TXNRD1: variants seen among roughly 807,000 people sequenced by gnomAD.
TXNRD1 encodes the protein thioredoxin reductase 1.
A neutral mutation model predicts 80.3 loss-of-function variants in TXNRD1; 57 were observed. The ratio of observed to expected loss-of-function variants is 0.71; its 90% confidence interval spans 0.57 to 0.89. TXNRD1 has a LOEUF of 0.89. Among genes scored for constraint, TXNRD1 ranks in the 40% least tolerant of loss-of-function variants. TXNRD1 has a pLI of 0.00. For missense variants in TXNRD1, 730 were observed against 803.0 expected (o/e 0.91, Z 1.10); for synonymous variants, 291 against 285.2 (o/e 1.02, Z -0.20).
chr12:104,274,984 A>G (rs1012667200), intron 3 of TXNRD1, among the ~76,000 whole-genome samples: 6 of 152,216 alleles, frequency 3.9e-5, no homozygotes, highest in African/African-American at 9.6e-5. Context: ...AATGGATTGC[A>G]GAAGGGAAAT....
intron 3 of TXNRD1, among the ~76,000 whole-genome samples, chr12:104,261,124 C>T (rs576745931): frequency 6.0e-5 from 9 of 150,926 alleles, no homozygotes; most frequent in African/African-American, 2.2e-4. Flanking sequence ...GACTTTTGTC[C>T]CGGTGGTTCC....
chr12:104,345,541 C>T (rs1047836677), intron 16 of TXNRD1, among the ~76,000 whole-genome samples: 9 of 152,182 alleles, frequency 5.9e-5, no homozygotes, highest in African/African-American at 2.2e-4. Context: ...GCGCCTGGGG[C>T]ATTAGCAATG....
chr12:104,321,682 C>T (rs1304851133), intron 10 of TXNRD1, among the ~76,000 whole-genome samples: 1 of 152,216 alleles, frequency 6.6e-6, no homozygotes, highest in African/African-American at 2.4e-5. Flanking sequence ...CCTGCACTCC[C>T]TGGCTCCCCA....
chr12:104,289,036 T>G lies in TXNRD1; in HGVS notation c.410T>G (p.Leu137Trp). Residue 137 changes from leucine (L) to tryptophan (W), a missense_variant, in exon 4 of 17, where the codon TTG becomes TGG. Physicochemically the swap from Leu to Trp is moderately conservative, Grantham distance 61. Coordinates refer to ENST00000525566, the MANE Select transcript of TXNRD1 (RefSeq NM_001093771.3). ...QRKIGGHGPT[L>W]KAYQEGRLQK... ...AAGATAGGCGGCCATGGTCCAACCT[T>G]GAAGGTAGGAGAGAGTAACGTATCT... 6.2e-7 allele frequency: 1 copy of G among 1,613,800 alleles called. No homozygotes were observed. Among genetic ancestry groups the G allele is most frequent in the Non-Finnish European group, 8.5e-7 (1 of 1,179,750 alleles).
chr12:104,282,543 C>T (rs1247793082), intron 3 of TXNRD1, among the ~76,000 whole-genome samples: 8 of 152,180 alleles, frequency 5.3e-5, no homozygotes, highest in Non-Finnish European at 8.8e-5. Flanking sequence ...TCAAGCATCA[C>T]ATTCTGAGAT....
intron 1 of TXNRD1, among the ~76,000 whole-genome samples, chr12:104,238,756 A>G (rs1168548440): frequency 6.6e-6 from 1 of 152,158 alleles, no homozygotes; most frequent in Non-Finnish European, 1.5e-5. Flanking sequence ...GTTGTGGTGT[A>G]TAAAATTTTT....
intron 13 of TXNRD1, 85 bp downstream of exon 13, chr12:104,327,756 C>G: frequency 6.9e-7 from 1 of 1,440,378 alleles, no homozygotes; most frequent in Non-Finnish European, 9.4e-7. Context: ...GGAAGTTTCG[C>G]AGATCTTGAA....
chr12:104,309,744 G>A, intron 4 of TXNRD1: 1 of 1,506,736 alleles, frequency 6.6e-7, no homozygotes, highest in Middle Eastern at 1.8e-4. Context: ...TTACCAAATT[G>A]TTTTTCCCCC....
At chr12:104,273,125 C>T (rs1372457618) in intron 3 of TXNRD1, among the ~76,000 whole-genome samples, 1 of 152,210 alleles carries the variant, frequency 6.6e-6, no homozygotes, top group African/African-American at 2.4e-5. Flanking sequence ...AATAAGCAGA[C>T]CTACAGCACC....
At chr12:104,311,016 T>C (rs1400666211) in intron 4 of TXNRD1, among the ~76,000 whole-genome samples, 1 of 152,220 alleles carries the variant, frequency 6.6e-6, no homozygotes, top group Admixed American at 6.5e-5. Flanking sequence ...TTAAACCTGA[T>C]TTAGACCTAA....
At position 104,258,042 on chromosome 12, in the gene TXNRD1, G is replaced by A. The variant is rs1012368258; in HGVS notation, c.267G>A (p.Leu89=). Residue 89 remains leucine, a synonymous_variant, in exon 3 of 17, where the codon CTG becomes CTA. Coordinates refer to ENST00000525566, the MANE Select transcript of TXNRD1 (RefSeq NM_001093771.3). ...CTEVKKLFKS[L]CVPYFVLELD... is the part of the protein sequence containing the mutation. ...AGGTAAAGAAGTTATTTAAATCTCTGTGTGTTCCTTATTTTGTGCTTGAAC... is the reference window on the plus strand; with the variant it reads ...AGGTAAAGAAGTTATTTAAATCTCTATGTGTTCCTTATTTTGTGCTTGAAC... 4.9e-5 allele frequency: 76 copies of A among 1,552,798 alleles called. No homozygotes were observed. The highest frequency in any genetic ancestry group is 6.5e-5 in the Non-Finnish European group (75 of 1,147,614).
At chr12:104,333,685 G>T (rs575942308) in intron 14 of TXNRD1, among the ~76,000 whole-genome samples, 2 of 152,112 alleles carry the variant, frequency 1.3e-5, no homozygotes, top group African/African-American at 4.8e-5. Flanking sequence ...AATTAGTAAG[G>T]ATGCTGTCGT....
intron 3 of TXNRD1, chr12:104,287,530 A>G: frequency 6.3e-7 from 1 of 1,580,296 alleles, no homozygotes; most frequent in Non-Finnish European, 8.6e-7. Flanking sequence ...AAGTATAACT[A>G]TGTAAGAATG....
intron 1 of TXNRD1, among the ~76,000 whole-genome samples, chr12:104,218,918 T>C (rs1593674376): frequency 6.6e-6 from 1 of 152,314 alleles, no homozygotes; most frequent in East Asian, 1.9e-4. Context: ...TAGATATTTT[T>C]CTATACACAT....
At chr12:104,286,964 C>G (rs984911971) in intron 3 of TXNRD1, 1 of 1,227,698 alleles carries the variant, frequency 8.1e-7, no homozygotes, top group Non-Finnish European at 1.0e-6. Context: ...TTAGCCCGCC[C>G]GCTCGGCGCA....
intron 4 of TXNRD1, among the ~76,000 whole-genome samples, chr12:104,308,243 C>T (rs1409107549): frequency 6.6e-6 from 1 of 152,188 alleles, no homozygotes; most frequent in Non-Finnish European, 1.5e-5. Context: ...GATCCACCCG[C>T]CTTGGCCTCT....
At chr12:104,248,198 A>C (rs2033033113) in intron 1 of TXNRD1, among the ~76,000 whole-genome samples, 2 of 152,266 alleles carry the variant, frequency 1.3e-5, no homozygotes, top group South Asian at 2.1e-4. Flanking sequence ...CATTAGAACT[A>C]CCAGTGAACA....
intron 3 of TXNRD1, among the ~76,000 whole-genome samples, chr12:104,286,428 C>T (rs2033972255): frequency 1.3e-5 from 2 of 152,102 alleles, no homozygotes; most frequent in Admixed American, 6.6e-5. Context: ...TAGGTGTGTT[C>T]CTAAGAATTT....
At chr12:104,265,981 T>G (rs1002193678) in intron 3 of TXNRD1, 1 of 597,558 alleles carries the variant, frequency 1.7e-6, no homozygotes, top group Non-Finnish European at 2.9e-6. Flanking sequence ...AAAGAAATAA[T>G]AATAGGTTTT....
Sources: allele counts gnomAD v4.1 joint callset (sites outside exome capture counted in the v4.1 genomes callset), GRCh38; gene constraint gnomAD v4.1.1; transcripts MANE v1.5; gene names NCBI Gene and HGNC (gene_info 2026-07-23, HGNC 2026-07-21).